Variants in BDKRB2 observed in about 807,000 individuals in gnomAD.
BDKRB2 encodes the protein bradykinin receptor B2.
In BDKRB2, 6 loss-of-function variants were observed where a neutral mutation model predicts 4.0. The ratio of observed to expected loss-of-function variants is 1.49; its 90% CI spans 0.81 to 2.93. The LOEUF (loss-of-function observed/expected upper bound fraction) is 2.93. BDKRB2 is among the 30% of genes most tolerant of loss of function. The pLI, the probability that BDKRB2 is intolerant of heterozygous loss-of-function variation, is 0.00. For synonymous variants in BDKRB2, 225 were observed against 215.3 expected (o/e 1.05, Z -0.40); for missense variants, 478 against 520.1 (o/e 0.92, Z 0.79).
chr14:96,228,011 G>T (rs988131406), intron 1 of BDKRB2, among the ~76,000 whole-genome samples: 1 of 152,204 alleles, frequency 6.6e-6, no homozygotes, highest in Non-Finnish European at 1.5e-5. Flanking sequence ...TCCCTGGAGG[G>T]CTATAAGCCA....
intron 1 of BDKRB2, among the ~76,000 whole-genome samples, chr14:96,234,796 T>C (rs1890894770): frequency 6.6e-6 from 1 of 152,190 alleles, no homozygotes; most frequent in African/African-American, 2.4e-5. Context: ...GCCAGGTAGA[T>C]GCACAACAGA....
chr14:96,217,205 C>A (rs1890447285), intron 1 of BDKRB2, among the ~76,000 whole-genome samples: 1 of 152,136 alleles, frequency 6.6e-6, no homozygotes, highest in Non-Finnish European at 1.5e-5. Context: ...GTGTGACAAT[C>A]GAGATAGTGT....
chr14:96,239,430 A>T, intron 2 of BDKRB2: 1 of 985,412 alleles, frequency 1.0e-6, no homozygotes, highest in Non-Finnish European at 1.2e-6. Flanking sequence ...GAAGGTAGAG[A>T]TGAATTACAG....
chr14:96,216,221 C>T (rs1890413535), intron 1 of BDKRB2, among the ~76,000 whole-genome samples: 1 of 152,168 alleles, frequency 6.6e-6, no homozygotes. Context: ...GTGCCTTAGT[C>T]ACTGCCTCGG....
Position 96,243,362 on chromosome 14 carries a change from AGCTAGAACCTGGAGG to A in BDKRB2, c.*1884_*1898del, listed in dbSNP as rs1216696078. The A allele has an allele frequency of 5.3e-4, 67 of 126,248 alleles. No homozygotes were observed. The highest frequency in any genetic ancestry group is 1.8e-3 in the African/African-American group (56 of 30,352). 7.8% of individuals were successfully genotyped at this position (126,248 alleles called of 1,614,324 possible). A position where few individuals can be genotyped will look rare whatever the true frequency, so the allele number is the denominator to read the frequency against. On this transcript the variant is annotated 3_prime_UTR_variant, in exon 3 of 3. Coordinates refer to ENST00000554311, the MANE Select transcript of BDKRB2 (RefSeq NM_001379692.1). ...GAACCTGGAGGGCTGGAATCTGGAG[AGCTAGAACCTGGAGG>A]GCTAGAACCTGGAGGGCTAGAACCT...
chr14:96,223,186 G>T, intron 1 of BDKRB2: 1 of 1,141,964 alleles, frequency 8.8e-7, no homozygotes, highest in South Asian at 1.2e-5. Context: ...GCTGCCCAAG[G>T]ACATAGCCAA....
chr14:96,208,934 G>T (rs1420938321), intron 1 of BDKRB2, among the ~76,000 whole-genome samples: 1 of 152,222 alleles, frequency 6.6e-6, no homozygotes, highest in African/African-American at 2.4e-5. Flanking sequence ...TGCCTGAGGG[G>T]ACGCCCGTGG....
Position 96,240,344 on chromosome 14 carries a change from G to A in BDKRB2, c.75-59G>A, listed in dbSNP as rs185383731. On this transcript the variant is annotated intron_variant, in intron 2 of 2. Transcript: ENST00000554311. ...TTAACCCCTGTCTCCTTCTGGACCAGTTTTTGTCCTTCCCTTGTGACCCTG... is the reference window on the plus strand; with the variant it reads ...TTAACCCCTGTCTCCTTCTGGACCAATTTTTGTCCTTCCCTTGTGACCCTG... The A allele has an allele frequency of 4.3e-4, 606 of 1,408,186 alleles. 2 individuals are homozygous for A. Among genetic ancestry groups the A allele is most frequent in the African/African-American group, 3.0e-3 (205 of 69,106 alleles). The allele number at this position is 1,408,186 out of a possible 1,614,324, so 87.2% of individuals were successfully genotyped here.
At chr14:96,212,083 A>G (rs988097094) in intron 1 of BDKRB2, among the ~76,000 whole-genome samples, 2 of 152,214 alleles carry the variant, frequency 1.3e-5, no homozygotes, top group African/African-American at 4.8e-5. Context: ...GGCAACAGGC[A>G]GGGACAGAAT....
chr14:96,239,411 G>T (rs1011524959), intron 2 of BDKRB2: 1 of 985,242 alleles, frequency 1.0e-6, no homozygotes, highest in African/African-American at 1.7e-5. Context: ...CAAGCCCCAC[G>T]CCTCTGCTGA....
intron 1 of BDKRB2, chr14:96,223,291 T>C (rs1890617675): frequency 3.1e-5 from 33 of 1,051,706 alleles, no homozygotes; most frequent in Middle Eastern, 5.9e-4. Context: ...GATCCATGAA[T>C]CAGAACCTCA....
At position 96,243,405 on chromosome 14, in the gene BDKRB2, A is replaced by G. The variant is rs1312506654; in HGVS notation, c.*1901A>G. The G allele has an allele frequency of 7.5e-6, 1 of 133,926 alleles. No homozygotes were observed. The highest frequency in any genetic ancestry group is 1.6e-5 in the Non-Finnish European group (1 of 63,296). 8.3% of individuals were successfully genotyped at this position (133,926 alleles called of 1,614,324 possible). A position where few individuals can be genotyped will look rare whatever the true frequency, so the allele number is the denominator to read the frequency against. On this transcript the variant is annotated 3_prime_UTR_variant, in exon 3 of 3. Coordinates refer to ENST00000554311, the MANE Select transcript of BDKRB2 (RefSeq NM_001379692.1). ...TAGAACCTGGAGGGCTAGAACCTAG[A>G]AGGGCTAGAACCTGGAGGGCTAGAA...
intron 1 of BDKRB2, among the ~76,000 whole-genome samples, chr14:96,234,580 C>T (rs1471289527): frequency 6.6e-6 from 1 of 152,186 alleles, no homozygotes; most frequent in East Asian, 1.9e-4. Context: ...CCAGGGCACG[C>T]CTCTAGAGCA....
rs67192555 is a variant in BDKRB2 at position 96,243,022 on chromosome 14, A to ACCTGGAGAGGCTAGAAC, written c.*1519_*1520insCTGGAGAGGCTAGAACC. On this transcript the variant is annotated 3_prime_UTR_variant, in exon 3 of 3. Coordinates refer to ENST00000554311, the MANE Select transcript of BDKRB2 (RefSeq NM_001379692.1). ...GAGAACTAGAACCTGGAGGGCTAGA[A>ACCTGGAGAGGCTAGAAC]CTGGAGAGGCTAGAACCAAGAAGGG... 6.8e-6 allele frequency: 1 copy of ACCTGGAGAGGCTAGAAC among 147,382 alleles called. No homozygotes were observed. Among genetic ancestry groups the ACCTGGAGAGGCTAGAAC allele is most frequent in the African/African-American group, 2.4e-5 (1 of 41,002 alleles). 9.1% of individuals were successfully genotyped at this position (147,382 alleles called of 1,614,324 possible). A position where few individuals can be genotyped will look rare whatever the true frequency, so the allele number is the denominator to read the frequency against.
chr14:96,226,403 C>T (rs1458952218), intron 1 of BDKRB2, among the ~76,000 whole-genome samples: 2 of 152,220 alleles, frequency 1.3e-5, no homozygotes, highest in Non-Finnish European at 2.9e-5. Context: ...CCTGTAATCC[C>T]AGCACTTTGG....
At position 96,241,787 on chromosome 14, in the gene BDKRB2, G is replaced by C. The variant is rs201348346; in HGVS notation, c.*283G>C. 3.3e-6 allele frequency: 1 copy of C among 306,966 alleles called. No homozygotes were observed. The highest frequency in any genetic ancestry group is 5.8e-6 in the Non-Finnish European group (1 of 171,162). The allele number at this position is 306,966 out of a possible 1,614,324, so 19.0% of individuals were successfully genotyped here. Reference sequence around the variant, plus strand: ...TGAGCCAGCCTGCTCCTTCCCAGGAGTGGAGGAGGCCTGGGGGCAGGGAGA... The same window carrying C: ...TGAGCCAGCCTGCTCCTTCCCAGGACTGGAGGAGGCCTGGGGGCAGGGAGA... On this transcript the variant is annotated 3_prime_UTR_variant, in exon 3 of 3. Coordinates refer to ENST00000554311, the MANE Select transcript of BDKRB2 (RefSeq NM_001379692.1).
At chr14:96,225,545 G>A (rs1890675866) in intron 1 of BDKRB2, among the ~76,000 whole-genome samples, 1 of 152,092 alleles carries the variant, frequency 6.6e-6, no homozygotes, top group African/African-American at 2.4e-5. Flanking sequence ...ACGGATGAAA[G>A]GGGCAGGAAA....
Position 96,244,087 on chromosome 14 carries a change from C to T in BDKRB2, c.*2583C>T. The T allele has an allele frequency of 2.5e-6, 1 of 398,184 alleles. No homozygotes were observed. Among genetic ancestry groups the T allele is most frequent in the South Asian group, 1.3e-4 (1 of 7,554 alleles). The allele number at this position is 398,184 out of a possible 1,614,324, so 24.7% of individuals were successfully genotyped here. A position where few individuals can be genotyped will look rare whatever the true frequency, so the allele number is the denominator to read the frequency against. ...GAGCTGTTATGTTGTAAACAGGAAG[C>T]ATTTCACATCCAAACGAGAAAATCA... is the stretch of plus-strand genomic sequence containing the variant. On this transcript the variant is annotated 3_prime_UTR_variant, in exon 3 of 3. Coordinates refer to ENST00000554311, the MANE Select transcript of BDKRB2 (RefSeq NM_001379692.1).
intron 1 of BDKRB2, among the ~76,000 whole-genome samples, chr14:96,229,069 T>C (rs1234928998): frequency 6.6e-6 from 1 of 152,136 alleles, no homozygotes; most frequent in Admixed American, 6.5e-5. Context: ...AGCAATTATG[T>C]CTGCTGGGGA....
Sources: gnomAD v4.1 joint callset for allele counts (sites outside exome capture counted in the v4.1 genomes callset) on GRCh38, gnomAD v4.1.1 for gene constraint, MANE v1.5 for transcripts, NCBI Gene and HGNC (gene_info 2026-07-23, HGNC 2026-07-21) for gene names.